Variants in GPR39 observed in about 807,000 individuals in gnomAD.
GPR39 encodes zinc sensing receptor.
Under a neutral mutation model 18.4 loss-of-function variants are expected in GPR39, and 23 were observed. The ratio of observed to expected loss-of-function variants is 1.25; its 90% CI spans 0.90 to 1.77. The LOEUF (loss-of-function observed/expected upper bound fraction) is 1.77, where lower values mean the gene tolerates loss of function less well. GPR39 is among the 40% of genes most tolerant of loss of function. The pLI is 0.00. For missense variants in GPR39, 647 were observed against 602.4 expected (o/e 1.07, Z -0.78); for synonymous variants, 280 against 257.9 (o/e 1.09, Z -0.82).
At chr2:132,633,286 T>C (rs1055051661) in intron 1 of GPR39, among the ~76,000 whole-genome samples, 2 of 151,886 alleles carry the variant, frequency 1.3e-5, no homozygotes, top group African/African-American at 2.4e-5. Context: ...TTTCCCCCTT[T>C]ATTATATCCT....
At chr2:132,612,209 C>T (rs975331388) in intron 1 of GPR39, among the ~76,000 whole-genome samples, 2 of 152,120 alleles carry the variant, frequency 1.3e-5, no homozygotes, top group Non-Finnish European at 2.9e-5. Flanking sequence ...TTTGTAGAAT[C>T]AAATTGAAAT....
chr2:132,612,127 C>T (rs765489400), intron 1 of GPR39, among the ~76,000 whole-genome samples: 5 of 152,132 alleles, frequency 3.3e-5, no homozygotes, highest in Non-Finnish European at 7.4e-5. Flanking sequence ...AACGCTCAGG[C>T]CAGACAATTT....
chr2:132,509,241 C>T (rs1474411029), intron 1 of GPR39, among the ~76,000 whole-genome samples: 1 of 152,124 alleles, frequency 6.6e-6, no homozygotes, highest in Admixed American at 6.5e-5. Flanking sequence ...TGTATGTTGC[C>T]TGGGTTTTAG....
chr2:132,565,863 A>T lies in GPR39; in HGVS notation c.857-79238A>T, dbSNP rs76707395. ...GTGAATAATGCTGCAATAAACATACATGTGCATGTGTCTTCATAGCAGCAT... is the reference window on the plus strand; with the variant it reads ...GTGAATAATGCTGCAATAAACATACTTGTGCATGTGTCTTCATAGCAGCAT... On this transcript the variant is annotated intron_variant, in intron 1 of 1. Coordinates refer to ENST00000329321, the MANE Select transcript of GPR39 (RefSeq NM_001508.3). Among the ~76,000 whole-genome samples the T allele has an allele frequency of 1.9e-4, 29 of 151,304 alleles. 1 individual carries two copies. In the East Asian group the frequency reaches 5.6e-3, roughly 29 times the overall value.
At chr2:132,461,981 G>C (rs541722584) in intron 1 of GPR39, among the ~76,000 whole-genome samples, 1 of 152,276 alleles carries the variant, frequency 6.6e-6, no homozygotes, top group Non-Finnish European at 1.5e-5. Context: ...GGCTGGCTGA[G>C]GCCAAGATGC....
chr2:132,549,875 T>C (rs6744225), intron 1 of GPR39, among the ~76,000 whole-genome samples: 1 of 152,204 alleles, frequency 6.6e-6, no homozygotes, highest in African/African-American at 2.4e-5. Context: ...TTCTTTATTG[T>C]TAACCTATGT....
chr2:132,458,741 A>T (rs7605278), intron 1 of GPR39, among the ~76,000 whole-genome samples: 3 of 151,876 alleles, frequency 2.0e-5, no homozygotes, highest in Middle Eastern at 3.4e-3. Context: ...AGGGAAGAGA[A>T]GAGAACCACA....
At chr2:132,587,724 G>T (rs949944680) in intron 1 of GPR39, among the ~76,000 whole-genome samples, 4 of 151,976 alleles carry the variant, frequency 2.6e-5, no homozygotes, top group African/African-American at 9.7e-5. Context: ...TAGTAGAGAT[G>T]GGGTTTCGCC....
intron 1 of GPR39, among the ~76,000 whole-genome samples, chr2:132,545,181 C>T (rs1679922664): frequency 6.6e-6 from 1 of 152,222 alleles, no homozygotes; most frequent in African/African-American, 2.4e-5. Flanking sequence ...CTCCTCTGTG[C>T]CATGGCAGGG....
In GPR39 at chr2:132,538,680, G is replaced by A. The variant is rs78327247; in HGVS notation, c.857-106421G>A. Among the ~76,000 whole-genome samples, 394 of 152,250 alleles carry A rather than the reference G, an allele frequency of 2.6e-3. 13 individuals are homozygous for A. In the East Asian group the frequency reaches 0.052, roughly 20 times the overall value. ...TGTGACAGCACCCATCCCTCCCCCC[G>A]GGTGCTCTGTCCCAGGGAGATGAGA... On this transcript the variant is annotated intron_variant, in intron 1 of 1. Coordinates refer to ENST00000329321, the MANE Select transcript of GPR39 (RefSeq NM_001508.3).
chr2:132,625,068 T>G (rs1456860706), intron 1 of GPR39, among the ~76,000 whole-genome samples: 1 of 142,730 alleles, frequency 7.0e-6, no homozygotes, highest in East Asian at 2.0e-4. Flanking sequence ...TTCTAGGTGC[T>G]CCAATTTTTT....
intron 1 of GPR39, among the ~76,000 whole-genome samples, chr2:132,427,284 C>T (rs1680142966): frequency 6.7e-6 from 1 of 148,358 alleles, no homozygotes; most frequent in Non-Finnish European, 1.5e-5. Flanking sequence ...CCTGCCTCAG[C>T]CCCCGAGTGG....
intron 1 of GPR39, among the ~76,000 whole-genome samples, chr2:132,538,601 G>A (rs1044802273): frequency 4.6e-5 from 7 of 152,198 alleles, no homozygotes; most frequent in Non-Finnish European, 7.3e-5. Context: ...CCCTTGTCAG[G>A]ATCAGCTGCT....
At chr2:132,476,912 G>C (rs909289462) in intron 1 of GPR39, among the ~76,000 whole-genome samples, 10 of 152,124 alleles carry the variant, frequency 6.6e-5, no homozygotes, top group African/African-American at 2.4e-4. Flanking sequence ...CCTCTGTGTA[G>C]ACACTCCATC....
At chr2:132,496,353 C>G (rs1681641406) in intron 1 of GPR39, among the ~76,000 whole-genome samples, 1 of 152,094 alleles carries the variant, frequency 6.6e-6, no homozygotes, top group South Asian at 2.1e-4. Flanking sequence ...TGTTATTTAC[C>G]TAGGCATTTG....
intron 1 of GPR39, among the ~76,000 whole-genome samples, chr2:132,591,906 G>C (rs1680852649): frequency 6.6e-6 from 1 of 152,172 alleles, no homozygotes; most frequent in South Asian, 2.1e-4. Flanking sequence ...GTGTTGTATG[G>C]TACATATATG....
rs1178446625 is a variant in GPR39 at position 132,416,868 on chromosome 2, A to G, written c.-175A>G. On this transcript the variant is annotated 5_prime_UTR_variant, in exon 1 of 2. Coordinates refer to ENST00000329321, the MANE Select transcript of GPR39 (RefSeq NM_001508.3). ...GGCCTCTCCTAGGTTGGGCTGCTCCAGCAAGTTTCCATGAAAGCACCTGAA... is the reference window on the plus strand; with the variant it reads ...GGCCTCTCCTAGGTTGGGCTGCTCCGGCAAGTTTCCATGAAAGCACCTGAA... 1 of 861,924 alleles carries G rather than the reference A, an allele frequency of 1.2e-6. No homozygotes were observed. The highest frequency in any genetic ancestry group is 1.7e-5 in the African/African-American group (1 of 59,084). The allele number at this position is 861,924 out of a possible 1,614,324, so 53.4% of individuals were successfully genotyped here.
intron 1 of GPR39, among the ~76,000 whole-genome samples, chr2:132,621,078 C>A (rs1394293923): frequency 6.6e-6 from 1 of 152,084 alleles, no homozygotes; most frequent in Admixed American, 6.5e-5. Context: ...TATGTCCATT[C>A]CCCAGAGAAA....
At chr2:132,592,687 C>T (rs997989240) in intron 1 of GPR39, among the ~76,000 whole-genome samples, 1 of 152,134 alleles carries the variant, frequency 6.6e-6, no homozygotes, top group African/African-American at 2.4e-5. Context: ...AGAAAGCTAA[C>T]GCAGTAATCC....
Sources: gnomAD v4.1 joint callset for allele counts (sites outside exome capture counted in the v4.1 genomes callset) on GRCh38, gnomAD v4.1.1 for gene constraint, MANE v1.5 for transcripts, NCBI Gene and HGNC (gene_info 2026-07-23, HGNC 2026-07-21) for gene names.